Variants in GPR155 observed in about 807,000 individuals in gnomAD.
The protein encoded by GPR155 is lysosomal cholesterol signaling protein.
Under a neutral mutation model 93.1 loss-of-function variants are expected in GPR155, and 65 were observed. The ratio of observed to expected loss-of-function variants is 0.70; its 90% CI spans 0.57 to 0.86. The LOEUF (loss-of-function observed/expected upper bound fraction) is 0.86, where lower values mean the gene tolerates loss of function less well. Ranked by LOEUF, GPR155 falls within the 40% of genes least tolerant of loss-of-function variation. The pLI, the probability that GPR155 is intolerant of heterozygous loss-of-function variation, is 0.00. For synonymous variants in GPR155, 319 were observed against 360.1 expected, an observed-to-expected ratio of 0.89 and a Z score of 1.29; for missense variants, 838 against 1,034.8, an observed-to-expected ratio of 0.81 and a Z score of 2.61.
Position 174,439,925 on chromosome 2 carries a change from C to T in GPR155, c.2285G>A (p.Cys762Tyr). Residue 762 changes from cysteine (C) to tyrosine (Y), a missense_variant, in exon 15 of 16, where the codon TGT (cysteine) becomes TAT (tyrosine). By Grantham distance (194) the Cys-to-Tyr change is radical. Transcript: ENST00000392552. ...TCTTTCTTTGACAATGTTTCGGATACAGAGGTCACGGTGATAATGGATAAA... is the reference window on the plus strand; with the variant it reads ...TCTTTCTTTGACAATGTTTCGGATATAGAGGTCACGGTGATAATGGATAAA... The part of the protein sequence containing the change: ...QQFIHYHRDL[C>Y]IRNIVKERRC... 1 of 1,613,012 alleles carries T rather than the reference C, an allele frequency of 6.2e-7. No homozygotes were observed. The highest frequency in any genetic ancestry group is 2.2e-5 in the East Asian group (1 of 44,834).
chr2:174,436,334 G>A lies in GPR155; in HGVS notation c.2395C>T (p.Arg799Cys), dbSNP rs200743346. 3.8e-5 allele frequency: 61 copies of A among 1,613,896 alleles called. No individual in the cohort carries two copies. The highest frequency in any genetic ancestry group is 4.4e-5 in the Non-Finnish European group (52 of 1,179,976). The change falls in exon 16 of 16, where the codon CGT becomes TGT. Residue 799 changes from arginine to cysteine, a missense_variant. Physicochemically the swap from Arg to Cys is radical, Grantham distance 180. Coordinates refer to ENST00000392552, the MANE Select transcript of GPR155 (RefSeq NM_152529.7). ...TCTCCGTATATCACAGCTTCACCAC[G>A]GTCGGAGGCAAGGCCGACTTCAATT... ...WLIEVGLASD[R>C]GEAVIYGDRL...
At position 174,438,798 on chromosome 2, in the gene GPR155, C is replaced by G. The variant is rs571355662; in HGVS notation, c.2312+1100G>C. Among the ~76,000 whole-genome samples the G allele has an allele frequency of 4.6e-5, 7 of 152,242 alleles. No individual in the cohort carries two copies. The East Asian group carries it at 1.4e-3, about 29-fold the overall frequency. Reference sequence around the variant, plus strand: ...CTGGGATTACAGGCATGAGCCAGCACGCCCGGCCCTAAAAAGCAGTTTTAA... The same window carrying G: ...CTGGGATTACAGGCATGAGCCAGCAGGCCCGGCCCTAAAAAGCAGTTTTAA... On this transcript the variant is annotated intron_variant, in intron 15 of 15. Transcript: ENST00000392552.
At chr2:174,464,008 T>C (rs1687772037) in intron 7 of GPR155, among the ~76,000 whole-genome samples, 1 of 152,220 alleles carries the variant, frequency 6.6e-6, no homozygotes, top group South Asian at 2.1e-4. Context: ...AAGGGTGCCA[T>C]CTTTGTTACA....
chr2:174,440,122 G>T, intron 14 of GPR155, 87 bp from the exon 15 acceptor site: 2 of 1,085,536 alleles, frequency 1.8e-6, no homozygotes, highest in Non-Finnish European at 2.7e-6. Flanking sequence ...CAAAATGGCT[G>T]TTCCAAAGCT....
At chr2:174,449,159 G>T (rs1020578355) in intron 11 of GPR155, among the ~76,000 whole-genome samples, 1 of 152,024 alleles carries the variant, frequency 6.6e-6, no homozygotes, top group Non-Finnish European at 1.5e-5. Flanking sequence ...AATCATCAGA[G>T]AAATCAAAAC....
intron 11 of GPR155, among the ~76,000 whole-genome samples, chr2:174,448,083 T>G (rs1007829984): frequency 9.2e-5 from 14 of 152,056 alleles, no homozygotes; most frequent in Non-Finnish European, 1.8e-4. Flanking sequence ...AAGATTTAAA[T>G]GTAATGTCTC....
At chr2:174,479,865 A>G (rs1295967522) in intron 2 of GPR155, among the ~76,000 whole-genome samples, 1 of 152,170 alleles carries the variant, frequency 6.6e-6, no homozygotes, top group Non-Finnish European at 1.5e-5. Flanking sequence ...TTAAAGGAAC[A>G]CCTATCTAGT....
rs1029248055 is a variant in GPR155, at chr2:174,432,185, C to T, written c.*3931G>A. ...AACATTGAGAATGTATAGAAAAGAC[C>T]TCTATGATGGCTTCTGCATTATTCA... On this transcript the variant is annotated 3_prime_UTR_variant, in exon 16 of 16. Transcript: ENST00000392552. The T allele has an allele frequency of 6.6e-6, 1 of 152,552 alleles. No individual in the cohort carries two copies. Among genetic ancestry groups the T allele is most frequent in the Non-Finnish European group, 1.5e-5 (1 of 68,036 alleles). 9.4% of individuals were successfully genotyped at this position (152,552 alleles called of 1,614,324 possible).
chr2:174,468,787 T>G, intron 5 of GPR155, 125 bp downstream of exon 5: 1 of 839,304 alleles, frequency 1.2e-6, no homozygotes, highest in South Asian at 1.8e-5. Context: ...GACATTATAT[T>G]TTATGGGCAG....
chr2:174,456,307 A>AT (rs112330863), intron 10 of GPR155, among the ~76,000 whole-genome samples: 7,211 of 141,774 alleles, frequency 0.051, 538 homozygotes, highest in African/African-American at 0.17. Context: ...CCTAGGTATA[A>AT]TTTTTTTTTT....
intron 13 of GPR155, among the ~76,000 whole-genome samples, chr2:174,442,836 C>T (rs1182557624): frequency 1.3e-5 from 2 of 152,210 alleles, no homozygotes; most frequent in Non-Finnish European, 2.9e-5. Flanking sequence ...ATCCCCCATA[C>T]TATAAACAGC....
chr2:174,448,534 T>G lies in GPR155; in HGVS notation c.1877-1787A>C, dbSNP rs1319016628. 6.9e-5 allele frequency among the ~76,000 whole-genome samples: 7 copies of G among 102,076 alleles called. No individual in the cohort carries two copies. In the South Asian group the frequency reaches 1.2e-3, roughly 18 times the overall value. 67.0% of individuals were successfully genotyped at this position (102,076 alleles called of 152,430 possible). ...GTTTTTTGTTTTTTGTTTTTTGTTTTTTTTTTTTTTTTTTGAGACGGAGTC... is the reference window on the plus strand; with the variant it reads ...GTTTTTTGTTTTTTGTTTTTTGTTTGTTTTTTTTTTTTTTGAGACGGAGTC... On this transcript the variant is annotated intron_variant, in intron 11 of 15. Transcript: ENST00000392552.
intron 3 of GPR155, among the ~76,000 whole-genome samples, chr2:174,470,963 A>G (rs1224328507): frequency 1.3e-5 from 2 of 152,066 alleles, no homozygotes; most frequent in Non-Finnish European, 2.9e-5. Context: ...GAGAATCACT[A>G]AACTCTTTTT....
At chr2:174,456,421 C>A (rs1687521905) in intron 10 of GPR155, among the ~76,000 whole-genome samples, 1 of 152,012 alleles carries the variant, frequency 6.6e-6, no homozygotes, top group Non-Finnish European at 1.5e-5. Context: ...CCTCCCACCT[C>A]AGCCTCCTGA....
chr2:174,475,168 G>A (rs1044705488), intron 2 of GPR155, among the ~76,000 whole-genome samples: 2 of 148,956 alleles, frequency 1.3e-5, no homozygotes, highest in African/African-American at 2.5e-5. Flanking sequence ...AGTGGCGGGC[G>A]CCTGTAGTCC....
rs748395061 is a variant in GPR155, at chr2:174,459,962, C to G, written c.1687G>C (p.Val563Leu). ...TCAAAAGCAGTATTTCCAGGCTCCACCACTTTGTGGCTCTGAGACTGATCG... is the reference window on the plus strand; with the variant it reads ...TCAAAAGCAGTATTTCCAGGCTCCAGCACTTTGTGGCTCTGAGACTGATCG... ...GFDQSQSHKV[V>L]EPGNTAFEES... Residue 563 changes from valine (V) to leucine (L), a missense_variant, in exon 10 of 16, where the codon GTG becomes CTG. Physicochemically the swap from Val to Leu is conservative, Grantham distance 32. Coordinates refer to ENST00000392552, the MANE Select transcript of GPR155 (RefSeq NM_152529.7). The G allele has an allele frequency of 6.2e-7, 1 of 1,614,136 alleles. No homozygotes were observed. The highest frequency in any genetic ancestry group is 1.7e-5 in the Admixed American group (1 of 60,022).
chr2:174,469,933 C>T (rs2105723012), intron 4 of GPR155, among the ~76,000 whole-genome samples: 1 of 152,332 alleles, frequency 6.6e-6, no homozygotes, highest in South Asian at 2.1e-4. Context: ...GCAATCTTAA[C>T]TCACTGCAAC....
intron 11 of GPR155, among the ~76,000 whole-genome samples, chr2:174,450,871 G>GGAA (rs1342672374): frequency 1.3e-5 from 2 of 152,062 alleles, no homozygotes; most frequent in African/African-American, 4.8e-5. Flanking sequence ...ATGGCATGGG[G>GGAA]GAAGGTTCAT....
chr2:174,454,738 A>T (rs759294322), intron 10 of GPR155, among the ~76,000 whole-genome samples: 2 of 141,948 alleles, frequency 1.4e-5, no homozygotes, highest in Admixed American at 1.5e-4. Flanking sequence ...GAAGGGAAGG[A>T]AGGAAAAGGA....
Sources: gnomAD v4.1 joint callset for allele counts (sites outside exome capture counted in the v4.1 genomes callset) on GRCh38, gnomAD v4.1.1 for gene constraint, MANE v1.5 for transcripts, NCBI Gene and HGNC (gene_info 2026-07-23, HGNC 2026-07-21) for gene names.